The following HRG variants were observed in gnomAD, a reference collection of about 807,000 sequenced individuals.
HRG encodes the protein histidine rich glycoprotein, also known as histidine-rich glycoprotein.
HRG carries 26 observed loss-of-function variants against 29.5 expected under a neutral mutation model. The ratio of observed to expected loss-of-function variants is 0.88; its 90% CI spans 0.65 to 1.22. The LOEUF is 1.22. Ranked by LOEUF, HRG falls within the 50% of genes most tolerant of loss-of-function variation. HRG has a pLI of 0.00. For missense variants in HRG, 671 were observed against 654.5 expected (o/e 1.03, Z -0.28); for synonymous variants, 243 against 240.4 (o/e 1.01, Z -0.10).
At chr3:186,671,476 A>G in intron 3 of HRG, 147 bp from the exon 4 acceptor site, 1 of 828,324 alleles carries the variant, frequency 1.2e-6, no homozygotes, top group South Asian at 1.4e-5. Flanking sequence ...CGGTTGCCAA[A>G]TGGCTGATTG....
At chr3:186,667,848 G>A (rs7621525) in intron 1 of HRG, among the ~76,000 whole-genome samples, 149,970 of 152,198 alleles carry the variant, frequency 0.99, 73,928 homozygotes, top group Middle Eastern at 1. Context: ...TACTGTCTTC[G>A]CTTAGATTAC....
chr3:186,666,157 A>G lies in HRG; in HGVS notation c.126A>G (p.Arg42=). The change falls in exon 1 of 7, where the codon CGA becomes CGG. Residue 42 remains arginine (R), a synonymous_variant. Transcript: ENST00000232003. The part of the protein sequence containing the change: ...EKALDLINKR[R]RDGYLFQLLR... ...CTCTAGACCTGATCAATAAAAGGCG[A>G]CGGGATGGCTACCTTTTCCAATTGC... The G allele has an allele frequency of 6.2e-7, 1 of 1,614,182 alleles. No individual in the cohort carries two copies. Among genetic ancestry groups the G allele is most frequent in the Non-Finnish European group, 8.5e-7 (1 of 1,180,016 alleles).
chr3:186,672,792 AG>A lies in HRG; in HGVS notation c.568del (p.Glu190LysfsTer37). 3 of 1,606,580 alleles carry A rather than the reference AG, an allele frequency of 1.9e-6. No individual in the cohort carries two copies. The highest frequency in any genetic ancestry group is 2.6e-6 in the Non-Finnish European group (3 of 1,173,298). ...RIERVARVRG[G>X]EGTGYFVDFS... ...TTTGATCCCATCTGTTCTAGAGAGG[AG>A]GGGAAGGAACTGGTTACTTCGTGGA... is the stretch of plus-strand genomic sequence containing the variant. On this transcript the variant is annotated frameshift_variant, in exon 5 of 7. Coordinates refer to ENST00000232003, the MANE Select transcript of HRG (RefSeq NM_000412.5). LOFTEE classifies it high-confidence loss of function.
intron 1 of HRG, chr3:186,668,590 C>T: frequency 3.3e-6 from 1 of 300,290 alleles, no homozygotes; most frequent in Non-Finnish European, 6.4e-6. Flanking sequence ...CAAGAGGACA[C>T]AACTACAAGG....
At chr3:186,669,754 A>G in intron 2 of HRG, 184 bp from the exon 3 acceptor site, 1 of 639,150 alleles carries the variant, frequency 1.6e-6, no homozygotes, top group Non-Finnish European at 2.8e-6. Context: ...TTGAGTGCCA[A>G]CAGGATGCAG....
chr3:186,672,824 C>A lies in HRG; in HGVS notation c.596C>A (p.Ser199Tyr). 1 of 1,612,662 alleles carries A rather than the reference C, an allele frequency of 6.2e-7. No individual in the cohort carries two copies. Among genetic ancestry groups the A allele is most frequent in the Non-Finnish European group, 8.5e-7 (1 of 1,178,718 alleles). Reference protein sequence around the residue: ...GEGTGYFVDFSVRNCPRHHFP... With the variant: ...GEGTGYFVDFYVRNCPRHHFP... ...GGAACTGGTTACTTCGTGGACTTCT[C>A]TGTGCGGAACTGCCCCAGACACCAT... is the stretch of plus-strand genomic sequence containing the variant. Residue 199 changes from serine (S) to tyrosine (Y), a missense_variant, in exon 5 of 7, where the codon TCT becomes TAT. Transcript: ENST00000232003.
chr3:186,666,279 C>T (rs1718608772), intron 1 of HRG, 65 bp downstream of exon 1: 1 of 1,524,546 alleles, frequency 6.6e-7, no homozygotes, highest in Admixed American at 1.7e-5. Flanking sequence ...GTGACTCTAC[C>T]CCCTAGGCTT....
Position 186,677,126 on chromosome 3 carries a change from C to A in HRG, c.821C>A (p.Thr274Asn). Residue 274 changes from threonine (T) to asparagine (N), a missense_variant, in exon 7 of 7, where the codon ACC becomes AAC. Transcript: ENST00000232003. ...HWGGHERSST[T>N]KPPFKPHGSR... is the part of the protein sequence containing the mutation. ...GGTGGGCATGAGCGTTCTTCTACCA[C>A]CAAGCCTCCATTCAAGCCCCATGGA... is the stretch of plus-strand genomic sequence containing the variant. 6.2e-7 allele frequency: 1 copy of A among 1,614,078 alleles called. No homozygotes were observed. Among genetic ancestry groups the A allele is most frequent in the South Asian group, 1.1e-5 (1 of 91,084 alleles).
At chr3:186,668,875 T>TA (rs5855108) in intron 1 of HRG, 60 bp from the exon 2 acceptor site, 664,289 of 738,952 alleles carry the variant, frequency 0.9, 294,966 homozygotes, top group Admixed American at 0.92. Flanking sequence ...CTTTAATACA[T>TA]AAAAAAAAAC....
chr3:186,671,019 A>G lies in HRG; in HGVS notation c.392-604A>G, dbSNP rs117849730. On this transcript the variant is annotated intron_variant, in intron 3 of 6. Transcript: ENST00000232003. ...TCTCTCTGGGCAAAACTCTATGTTA[A>G]TGCTCTGTCTTCCCCCTTGGCAACA... Among the ~76,000 whole-genome samples the G allele has an allele frequency of 6.1e-3, 922 of 151,928 alleles. 28 individuals are homozygous for G. The highest frequency in any genetic ancestry group is 0.054 in the Admixed American group (816 of 15,230).
intron 1 of HRG, among the ~76,000 whole-genome samples, chr3:186,668,457 G>A (rs1412503774): frequency 6.6e-6 from 1 of 152,140 alleles, no homozygotes; most frequent in Non-Finnish European, 1.5e-5. Flanking sequence ...TGTTGTTAGT[G>A]GTGCCACTGA....
Position 186,675,467 on chromosome 3 carries a change from G to A in HRG, c.741+277G>A, listed in dbSNP as rs533455246. On this transcript the variant is annotated intron_variant, in intron 6 of 6. Coordinates refer to ENST00000232003, the MANE Select transcript of HRG (RefSeq NM_000412.5). Reference sequence around the variant, plus strand: ...AATTGCCAGATTACACAAAAAGTATGAAAACTTTTCCAAGAATTGAAGAGG... The same window carrying A: ...AATTGCCAGATTACACAAAAAGTATAAAAACTTTTCCAAGAATTGAAGAGG... 3.1e-3 allele frequency among the ~76,000 whole-genome samples: 469 copies of A among 152,230 alleles called. 2 individuals carry two copies. The highest frequency in any genetic ancestry group is 7.3e-3 in the Admixed American group (111 of 15,278).
In HRG at chr3:186,666,041, C is replaced by T. The variant is rs142394055; in HGVS notation, c.10C>T (p.Leu4Phe). 4 of 1,614,082 alleles carry T rather than the reference C, an allele frequency of 2.5e-6. No individual in the cohort carries two copies. In the African/African-American group the frequency reaches 4.0e-5, roughly 16 times the overall value. The change falls in exon 1 of 7, where the codon CTC (leucine) becomes TTC (phenylalanine). Residue 4 changes from leucine (L) to phenylalanine (F), a missense_variant. By Grantham distance (22) the Leu-to-Phe change is conservative. Transcript: ENST00000232003. MKA[L>F]IAALLLITLQ... ...GGGATGGTTTAACAAAATGAAGGCA[C>T]TCATTGCAGCACTGCTTTTGATCAC...
In HRG at chr3:186,666,362, T is replaced by C. The variant is rs1223147262; in HGVS notation, c.183+148T>C. The C allele has an allele frequency of 1.1e-5, 8 of 758,468 alleles. No homozygotes were observed. The East Asian group carries it at 2.1e-4, about 20-fold the overall frequency. The allele number at this position is 758,468 out of a possible 1,614,324, so 47.0% of individuals were successfully genotyped here. On this transcript the variant is annotated intron_variant, in intron 1 of 6. Transcript: ENST00000232003. ...TCTGCGGCTGCTCTAAATTGTTCTT[T>C]TTTCCTTCAAACTAATATTTGTTAT... is the stretch of plus-strand genomic sequence containing the variant.
Position 186,675,121 on chromosome 3 carries a change from T to C in HRG, c.672T>C (p.Tyr224=). ...VFGFCRADLF[Y]DVEALDLESP... is the part of the protein sequence containing the mutation. ...GATTCTGCAGAGCAGATTTGTTCTA[T>C]GATGTAGAAGCCTTGGACTTGGAAA... Residue 224 remains tyrosine, a synonymous_variant, in exon 6 of 7, where the codon TAT becomes TAC. Coordinates refer to ENST00000232003, the MANE Select transcript of HRG (RefSeq NM_000412.5). 2.5e-6 allele frequency: 4 copies of C among 1,613,852 alleles called. No individual in the cohort carries two copies. The Middle Eastern group carries it at 5.0e-4, about 200-fold the overall frequency.
chr3:186,669,919 AAG>A lies in HRG; in HGVS notation c.301-16_301-15del. 7.3e-7 allele frequency: 1 copy of A among 1,375,730 alleles called. No individual in the cohort carries two copies. Among genetic ancestry groups the A allele is most frequent in the Non-Finnish European group, 1.0e-6 (1 of 964,398 alleles). 85.2% of individuals were successfully genotyped at this position (1,375,730 alleles called of 1,614,324 possible). A position where few individuals can be genotyped will look rare whatever the true frequency, so the allele number is the denominator to read the frequency against. ...GGATGCAATGACTCAGCAAGTCCTC[AAG>A]AGCCTCTTTCTTACAGGTGATCGGA... On this transcript the variant is annotated splice_polypyrimidine_tract_variant and intron_variant, in intron 2 of 6. Transcript: ENST00000232003.
At chr3:186,674,633 T>C (rs951780217) in intron 5 of HRG, 5 of 246,740 alleles carry the variant, frequency 2.0e-5, no homozygotes, top group South Asian at 5.7e-5. Flanking sequence ...GCCTTGACAA[T>C]GTCCATGAAA....
intron 3 of HRG, among the ~76,000 whole-genome samples, chr3:186,670,406 G>A (rs1718749531): frequency 6.6e-6 from 1 of 152,076 alleles, no homozygotes; most frequent in Non-Finnish European, 1.5e-5. Flanking sequence ...ATGAAGTAAA[G>A]GTTATGACAC....
Position 186,675,085 on chromosome 3 carries a change from G to A in HRG, c.640-4G>A, listed in dbSNP as rs559149511. ...CACACTAACAGCTCCTCATTCCTTT[G>A]TAGGTCTTTGGATTCTGCAGAGCAG... On this transcript the variant is annotated splice_polypyrimidine_tract_variant and splice_region_variant and intron_variant, in intron 5 of 6. Coordinates refer to ENST00000232003, the MANE Select transcript of HRG (RefSeq NM_000412.5). 1 of 1,604,628 alleles carries A rather than the reference G, an allele frequency of 6.2e-7. No individual in the cohort carries two copies. Among genetic ancestry groups the A allele is most frequent in the Admixed American group, 1.7e-5 (1 of 60,014 alleles).
Sources: allele counts gnomAD v4.1 joint callset (sites outside exome capture counted in the v4.1 genomes callset), GRCh38; gene constraint gnomAD v4.1.1; transcripts MANE v1.5; gene names NCBI Gene and HGNC (gene_info 2026-07-23, HGNC 2026-07-21).